Variants in COL3A1 observed in about 807,000 individuals in gnomAD.
COL3A1 encodes collagen type III alpha 1 chain, also known as collagen alpha-1(III) chain.
Under a neutral mutation model 200.9 loss-of-function variants are expected in COL3A1, and 46 were observed. That is an observed-to-expected ratio of 0.23 (90% CI 0.18 to 0.29). The LOEUF is 0.29. Among genes scored for constraint, COL3A1 ranks in the 10% least tolerant of loss-of-function variants. COL3A1 has a pLI of 1.00. For missense variants in COL3A1, 1,367 were observed against 1,917.6 expected (o/e 0.71, Z 5.36); for synonymous variants, 650 against 628.0 (o/e 1.03, Z -0.52).
intron 50 of COL3A1, among the ~76,000 whole-genome samples, chr2:189,011,257 T>C (rs548962390): frequency 3.4e-4 from 52 of 152,346 alleles, no homozygotes; most frequent in African/African-American, 1.2e-3. Flanking sequence ...TTTGTTATTG[T>C]TATTTGTGAA....
intron 41 of COL3A1, among the ~76,000 whole-genome samples, 171 bp from the exon 42 acceptor site, chr2:189,006,035 A>T (rs576606475): frequency 2.0e-5 from 3 of 152,194 alleles, no homozygotes; most frequent in Admixed American, 1.3e-4. Flanking sequence ...ATCTGTCTGG[A>T]CATTGTGACC....
intron 45 of COL3A1, 30 bp from the exon 46 acceptor site, chr2:189,007,855 C>G (rs753040169): frequency 2.5e-6 from 4 of 1,612,780 alleles, no homozygotes; most frequent in Middle Eastern, 1.8e-4. Flanking sequence ...TTAAGGCCTT[C>G]ACTCCTATGT....
intron 45 of COL3A1, 68 bp downstream of exon 45, chr2:189,007,675 G>T (rs1688625223): frequency 7.2e-7 from 1 of 1,392,360 alleles, no homozygotes; most frequent in Non-Finnish European, 1.0e-6. Flanking sequence ...AGAGAAGAAA[G>T]CTTTCCATCT....
At position 189,005,337 on chromosome 2, in the gene COL3A1, C is replaced by A. The variant is rs2153503624; in HGVS notation, c.2932-13C>A. The A allele has an allele frequency of 6.2e-7, 1 of 1,605,790 alleles. No homozygotes were observed. The highest frequency in any genetic ancestry group is 1.7e-5 in the Admixed American group (1 of 59,988). Reference sequence around the variant, plus strand: ...AAGTTGAAACAAAATGTTTTTCATTCCTTTGTATACAGGGTGAAAGTGGGA... The same window carrying A: ...AAGTTGAAACAAAATGTTTTTCATTACTTTGTATACAGGGTGAAAGTGGGA... On this transcript the variant is annotated splice_polypyrimidine_tract_variant and intron_variant, in intron 40 of 50. Transcript: ENST00000304636.
In COL3A1 at chr2:189,005,425, C is replaced by T. The variant is rs868559197; in HGVS notation, c.3007C>T (p.Leu1003=). ...CCCTGGACCCCAGGGTCTTCCTGGT[C>T]TGGCTGGTACAGCTGGTGAACCTGG... ...GPPGPQGLPG[L]AGTAGEPGRD... is the part of the protein sequence containing the mutation. Residue 1003 remains leucine (L), a synonymous_variant, in exon 41 of 51, where the codon CTG becomes TTG. Coordinates refer to ENST00000304636, the MANE Select transcript of COL3A1 (RefSeq NM_000090.4). 3.1e-6 allele frequency: 5 copies of T among 1,614,038 alleles called. No homozygotes were observed. Among genetic ancestry groups the T allele is most frequent in the Non-Finnish European group, 4.2e-6 (5 of 1,179,936 alleles).
In COL3A1 at chr2:189,002,965, G is replaced by C; in HGVS notation, c.2456G>C (p.Gly819Ala). The C allele has an allele frequency of 1.3e-6, 2 of 1,551,520 alleles. No individual in the cohort carries two copies. The highest frequency in any genetic ancestry group is 1.2e-5 in the South Asian group (1 of 84,064). Reference sequence around the variant, plus strand: ...TGTTGTTGCATGTAGGGACAGAATGGTGAACCTGGTGGTAAAGGAGAAAGA... The same window carrying C: ...TGTTGTTGCATGTAGGGACAGAATGCTGAACCTGGTGGTAAAGGAGAAAGA... The part of the protein sequence containing the change: ...AGFPGAPGQN[G>A]EPGGKGERGA... Residue 819 changes from glycine to alanine, a missense_variant, in exon 36 of 51, where the codon GGT (glycine) becomes GCT (alanine). Transcript: ENST00000304636.
Position 188,998,534 on chromosome 2 carries a change from T to C in COL3A1, c.1978-140T>C, listed in dbSNP as rs41263761. On this transcript the variant is annotated intron_variant, in intron 28 of 50. Transcript: ENST00000304636. ...AATAGAGAGTTCATAGTTTCAAGATTTGAAAAATTATACAGTATGCCAACA... is the reference window on the plus strand; with the variant it reads ...AATAGAGAGTTCATAGTTTCAAGATCTGAAAAATTATACAGTATGCCAACA... 1.8e-3 allele frequency: 1,798 copies of C among 1,023,370 alleles called. 3 individuals carry two copies. Among genetic ancestry groups the C allele is most frequent in the Non-Finnish European group, 2.3e-3 (1,555 of 677,068 alleles). The allele number at this position is 1,023,370 out of a possible 1,614,324, so 63.4% of individuals were successfully genotyped here. A position where few individuals can be genotyped will look rare whatever the true frequency, so the allele number is the denominator to read the frequency against.
At chr2:188,991,147 T>A in intron 11 of COL3A1, 90 bp downstream of exon 11, 20 of 1,389,220 alleles carry the variant, frequency 1.4e-5, no homozygotes, top group Non-Finnish European at 1.9e-5. Flanking sequence ...CTTAACTTGT[T>A]TTCTGAAATT....
chr2:188,995,668 T>C (rs1375215490), intron 21 of COL3A1, 24 bp from the exon 22 acceptor site: 2 of 1,519,260 alleles, frequency 1.3e-6, no homozygotes, highest in Middle Eastern at 1.8e-4. Context: ...TTTTAATTTT[T>C]TTAAAATTTC....
chr2:188,989,669 C>T (rs1000724773), intron 8 of COL3A1, among the ~76,000 whole-genome samples: 1 of 151,998 alleles, frequency 6.6e-6, no homozygotes, highest in African/African-American at 2.4e-5. Context: ...CCTTAAAGTG[C>T]TTTTTGACTG....
Position 189,001,351 on chromosome 2 carries a change from C to A in COL3A1, c.2284-46C>A, listed in dbSNP as rs540804655. 101 of 1,561,788 alleles carry A rather than the reference C, an allele frequency of 6.5e-5. 1 individual carries two copies. The highest frequency in any genetic ancestry group is 7.4e-5 in the Non-Finnish European group (84 of 1,134,058). ...CTTTCTGTTTGATTAATGCAAAAAACGATATTTGTATCTTCAAAATTAAAA... is the reference window on the plus strand; with the variant it reads ...CTTTCTGTTTGATTAATGCAAAAAAAGATATTTGTATCTTCAAAATTAAAA... On this transcript the variant is annotated intron_variant, in intron 32 of 50. Transcript: ENST00000304636.
At chr2:189,008,704 T>G in intron 47 of COL3A1, 1 of 603,094 alleles carries the variant, frequency 1.7e-6, no homozygotes. Flanking sequence ...ACACTACTGA[T>G]TCTTACATAG....
At chr2:188,992,997 A>C in intron 15 of COL3A1, 57 bp downstream of exon 15, 1 of 1,517,384 alleles carries the variant, frequency 6.6e-7, no homozygotes, top group Admixed American at 1.7e-5. Flanking sequence ...AGAGAAAAGC[A>C]TTAGATTGCT....
At chr2:188,998,828 T>G (rs1297921331) in intron 29 of COL3A1, 110 bp downstream of exon 29, 2 of 983,774 alleles carry the variant, frequency 2.0e-6, no homozygotes, top group Non-Finnish European at 3.2e-6. Context: ...AAGAGCATCA[T>G]TGCAAATGTT....
rs1688433275 is a variant in COL3A1 at position 189,000,534 on chromosome 2, T to C, written c.2283+639T>C. ...AAGGGAGTCTTATGGTGATTGCACA[T>C]TTGAGTATCTTGATTGAGGTGGTAG... On this transcript the variant is annotated intron_variant, in intron 32 of 50. Coordinates refer to ENST00000304636, the MANE Select transcript of COL3A1 (RefSeq NM_000090.4). Among the ~76,000 whole-genome samples the C allele has an allele frequency of 3.3e-5, 5 of 152,150 alleles. No individual in the cohort carries two copies. The South Asian group carries it at 1.0e-3, about 32-fold the overall frequency.
chr2:188,993,329 G>A (rs750898860), intron 15 of COL3A1, 32 bp from the exon 16 acceptor site: 10 of 1,533,020 alleles, frequency 6.5e-6, no homozygotes, highest in African/African-American at 1.4e-5. Flanking sequence ...GAAGTGGTAA[G>A]AGAAACTGAC....
In COL3A1 at chr2:189,011,674, G is replaced by T. The variant is rs138533702; in HGVS notation, c.4301G>T (p.Arg1434Leu). 1.2e-6 allele frequency: 2 copies of T among 1,613,820 alleles called. No individual in the cohort carries two copies. The highest frequency in any genetic ancestry group is 2.2e-5 in the East Asian group (1 of 44,872). The change falls in exon 51 of 51, where the codon CGC becomes CTC. Residue 1434 changes from arginine to leucine, a missense_variant. Around this residue, in one of 5 missense-constraint regions of COL3A1, gnomAD observed 846 missense variants for 1,147.9 expected, o/e 0.74. Coordinates refer to ENST00000304636, the MANE Select transcript of COL3A1 (RefSeq NM_000090.4). ...WSKTVFEYRT[R>L]KAVRLPIVDI... The stretch of plus-strand genomic sequence containing the variant: ...AAAACAGTCTTTGAATATCGAACAC[G>T]CAAGGCTGTGAGACTACCTATTGTA...
intron 37 of COL3A1, 90 bp from the exon 38 acceptor site, chr2:189,003,644 A>G (rs1027916214): frequency 3.4e-6 from 5 of 1,450,848 alleles, no homozygotes; most frequent in Non-Finnish European, 4.8e-6. Flanking sequence ...TTCAGGTACA[A>G]TGCAGATCAT....
chr2:188,980,409 TCTAAAA>T (rs1687927840), intron 1 of COL3A1, among the ~76,000 whole-genome samples: 3 of 61,108 alleles, frequency 4.9e-5, no homozygotes, highest in Non-Finnish European at 9.3e-5. Context: ...TTTAGACAAT[TCTAAAA>T]GATTAATCTT....
Sources: gnomAD v4.1 joint callset for allele counts (sites outside exome capture counted in the v4.1 genomes callset) on GRCh38, gnomAD v4.1.1 for gene constraint, gnomAD v4.1.1 regional missense constraint, MANE v1.5 for transcripts, NCBI Gene and HGNC (gene_info 2026-07-23, HGNC 2026-07-21) for gene names.